Variants in BTBD18 observed in about 807,000 individuals in gnomAD.
BTBD18 encodes the protein BTB domain containing 18.
For missense variants in BTBD18, 787 were observed against 846.3 expected (o/e 0.93, Z 0.87); for synonymous variants, 311 against 324.4 (o/e 0.96, Z 0.44).
rs1249435315 is a variant in BTBD18 at position 57,744,509 on chromosome 11, T to G, written c.1764A>C (p.Gly588=). The G allele has an allele frequency of 6.4e-7, 1 of 1,551,608 alleles. No individual in the cohort carries two copies. Among genetic ancestry groups the G allele is most frequent in the Non-Finnish European group, 8.7e-7 (1 of 1,146,946 alleles). The change falls in exon 3 of 3, where the codon GGA becomes GGC. Residue 588 remains glycine (G), a synonymous_variant. Transcript: ENST00000422652. ...TTTCAAGGTCTGGTGTCCAACGGCC[T>G]CCTACTGAAAGCACTTCACTCACCT... ...PSEVSEVLSV[G]GRWTPDLEIT... is the part of the protein sequence containing the mutation.
In BTBD18 at chr11:57,743,958, A is replaced by G. The variant is rs1053131522; in HGVS notation, c.*176T>C. 1 of 566,328 alleles carries G rather than the reference A, an allele frequency of 1.8e-6. No homozygotes were observed. The highest frequency in any genetic ancestry group is 1.9e-5 in the African/African-American group (1 of 53,512). The allele number at this position is 566,328 out of a possible 1,614,324, so 35.1% of individuals were successfully genotyped here. A position where few individuals can be genotyped will look rare whatever the true frequency, so the allele number is the denominator to read the frequency against. On this transcript the variant is annotated 3_prime_UTR_variant, in exon 3 of 3. Coordinates refer to ENST00000422652, the MANE Select transcript of BTBD18 (RefSeq NM_001145101.3). The stretch of plus-strand genomic sequence containing the variant: ...AAGTTCATAATTTTCTATCTATGGT[A>G]CCCTTGGCTTCTGCCTGGCTTCTGA...
At position 57,744,313 on chromosome 11, in the gene BTBD18, C is replaced by A; in HGVS notation, c.1960G>T (p.Ala654Ser). ...TDELLYPSPK[A>S]GKEVSGHSEL... ...GAGTGACCAGATACCTCCTTGCCTG[C>A]CTTGGGAGAAGGGTATAATAACTCA... is the stretch of plus-strand genomic sequence containing the variant. The change falls in exon 3 of 3, where the codon GCA becomes TCA. Residue 654 changes from alanine (A) to serine (S), a missense_variant. Coordinates refer to ENST00000422652, the MANE Select transcript of BTBD18 (RefSeq NM_001145101.3). 1 of 1,551,628 alleles carries A rather than the reference C, an allele frequency of 6.4e-7. No homozygotes were observed. The highest frequency in any genetic ancestry group is 8.7e-7 in the Non-Finnish European group (1 of 1,146,962).
Position 57,745,748 on chromosome 11 carries a change from A to C in BTBD18, c.525T>G (p.Pro175=). 1 of 1,551,544 alleles carries C rather than the reference A, an allele frequency of 6.4e-7. No homozygotes were observed. The highest frequency in any genetic ancestry group is 8.7e-7 in the Non-Finnish European group (1 of 1,146,938). Residue 175 remains proline, a synonymous_variant, in exon 3 of 3, where the codon CCT becomes CCG. Coordinates refer to ENST00000422652, the MANE Select transcript of BTBD18 (RefSeq NM_001145101.3). Reference sequence around the variant, plus strand: ...AGGACTTCAATCTTATTGCCCCAAGAGGACAAGGAGTTTGATTAGTGGGCA... The same window carrying C: ...AGGACTTCAATCTTATTGCCCCAAGCGGACAAGGAGTTTGATTAGTGGGCA... ...TPLPTNQTPC[P]LGAIRLKSLG...
In BTBD18 at chr11:57,744,244, TCTCTTC is replaced by T. The variant is rs868371204; in HGVS notation, c.2023_2028del (p.Glu675_Glu676del). 1 of 1,551,518 alleles carries T rather than the reference TCTCTTC, an allele frequency of 6.4e-7. No homozygotes were observed. Among genetic ancestry groups the T allele is most frequent in the African/African-American group, 1.4e-5 (1 of 73,018 alleles). On this transcript the variant is annotated inframe_deletion, in exon 3 of 3. Transcript: ENST00000422652. ...TCTGCTGTCCAGTCCACCACATCAA[TCTCTTC>T]CTCTTCAGAGCTGGCAGGAAGTGAG...
upstream of BTBD18, among the ~76,000 whole-genome samples, chr11:57,753,026 G>A (rs1248311584): frequency 1.3e-5 from 2 of 152,256 alleles, no homozygotes; most frequent in African/African-American, 4.8e-5. Context: ...AGCCCCTGGC[G>A]CCCTTGTATC....
chr11:57,751,981 A>T (rs1393513826), upstream of BTBD18, among the ~76,000 whole-genome samples: 1 of 152,200 alleles, frequency 6.6e-6, no homozygotes, highest in Non-Finnish European at 1.5e-5. Context: ...GGTAGTAGGC[A>T]AAGAATTTGG....
At chr11:57,746,385 A>C (rs1565243785) in intron 2 of BTBD18, among the ~76,000 whole-genome samples, 3 of 145,780 alleles carry the variant, frequency 2.1e-5, no homozygotes, top group Non-Finnish European at 4.5e-5. Flanking sequence ...GCTGGAGTGC[A>C]GTGGTGCAAT....
intron 2 of BTBD18, among the ~76,000 whole-genome samples, chr11:57,747,650 C>T (rs1427109292): frequency 6.6e-6 from 1 of 152,092 alleles, no homozygotes; most frequent in Non-Finnish European, 1.5e-5. Context: ...AGTTGCCTGC[C>T]ACCGCGCCTG....
chr11:57,748,437 G>A (rs1181452441), intron 2 of BTBD18, among the ~76,000 whole-genome samples: 8 of 152,080 alleles, frequency 5.3e-5, no homozygotes, highest in Middle Eastern at 3.4e-3. Context: ...ATTCAAGGCC[G>A]GGCACAGTGG....
chr11:57,745,665 C>T lies in BTBD18; in HGVS notation c.608G>A (p.Gly203Asp), dbSNP rs1351190154. The T allele has an allele frequency of 6.4e-7, 1 of 1,551,482 alleles. No homozygotes were observed. The highest frequency in any genetic ancestry group is 8.7e-7 in the Non-Finnish European group (1 of 1,146,968). ...GGCCTTCCTCTTGAGCAGAAGAGTG[C>T]CAGACAAATTGTCTGCATTCTGTCG... is the stretch of plus-strand genomic sequence containing the variant. ...NNRQNADNLSGTLLLKRKARA... is the reference protein window; with the variant it reads ...NNRQNADNLSDTLLLKRKARA... Residue 203 changes from glycine (G) to aspartate (D), a missense_variant, in exon 3 of 3, where the codon GGC (glycine) becomes GAC (aspartate). Coordinates refer to ENST00000422652, the MANE Select transcript of BTBD18 (RefSeq NM_001145101.3).
In BTBD18 at chr11:57,743,945, TTCTA is replaced by T. The variant is rs770747825; in HGVS notation, c.*185_*188del. 5 of 536,900 alleles carry T rather than the reference TTCTA, an allele frequency of 9.3e-6. No homozygotes were observed. Among genetic ancestry groups the T allele is most frequent in the Non-Finnish European group, 1.7e-5 (5 of 302,324 alleles). The allele number at this position is 536,900 out of a possible 1,614,324, so 33.3% of individuals were successfully genotyped here. A position where few individuals can be genotyped will look rare whatever the true frequency, so the allele number is the denominator to read the frequency against. On this transcript the variant is annotated 3_prime_UTR_variant, in exon 3 of 3. Coordinates refer to ENST00000422652, the MANE Select transcript of BTBD18 (RefSeq NM_001145101.3). ...AATAAGATGGTACAAGTTCATAATT[TTCTA>T]TCTATGGTACCCTTGGCTTCTGCCT...
chr11:57,749,794 T>C (rs1473578373), intron 2 of BTBD18, among the ~76,000 whole-genome samples: 5 of 149,314 alleles, frequency 3.3e-5, no homozygotes, highest in Non-Finnish European at 7.4e-5. Flanking sequence ...CACTATACTG[T>C]ATGTAATCCA....
rs1949138690 is a variant in BTBD18, at chr11:57,743,810, C to CT, written c.*323dup. ...TCAGCTTTTCCTAAATTACCAGTGACTGGATGCCTTATGACCTGAGAGATC... is the reference window on the plus strand; with the variant it reads ...TCAGCTTTTCCTAAATTACCAGTGACTTGGATGCCTTATGACCTGAGAGATC... On this transcript the variant is annotated 3_prime_UTR_variant, in exon 3 of 3. Coordinates refer to ENST00000422652, the MANE Select transcript of BTBD18 (RefSeq NM_001145101.3). The CT allele has an allele frequency of 4.7e-6, 1 of 212,680 alleles. No individual in the cohort carries two copies. Among genetic ancestry groups the CT allele is most frequent in the African/African-American group, 2.3e-5 (1 of 43,358 alleles). The allele number at this position is 212,680 out of a possible 1,614,324, so 13.2% of individuals were successfully genotyped here.
In BTBD18 at chr11:57,745,016, G is replaced by A. The variant is rs1246585188; in HGVS notation, c.1257C>T (p.Asp419=). 4 of 1,551,632 alleles carry A rather than the reference G, an allele frequency of 2.6e-6. No homozygotes were observed. The Middle Eastern group carries it at 5.0e-4, about 194-fold the overall frequency. Residue 419 remains aspartate, a synonymous_variant, in exon 3 of 3, where the codon GAC becomes GAT. Coordinates refer to ENST00000422652, the MANE Select transcript of BTBD18 (RefSeq NM_001145101.3). The part of the protein sequence containing the change: ...MSPTRTELCQ[D]SPMCTKLQDI... Reference sequence around the variant, plus strand: ...CTTGTAGCTTAGTGCACATGGGGGAGTCCTGACACAGTTCTGTTCTAGTAG... The same window carrying A: ...CTTGTAGCTTAGTGCACATGGGGGAATCCTGACACAGTTCTGTTCTAGTAG...
chr11:57,747,332 C>T (rs1949215262), intron 2 of BTBD18, among the ~76,000 whole-genome samples: 1 of 152,206 alleles, frequency 6.6e-6, no homozygotes, highest in South Asian at 2.1e-4. Flanking sequence ...CTCACAAGCA[C>T]CTTCAATGCA....
chr11:57,746,372 C>T (rs988319971), intron 2 of BTBD18, among the ~76,000 whole-genome samples: 2 of 149,226 alleles, frequency 1.3e-5, no homozygotes, highest in Non-Finnish European at 3.0e-5. Context: ...CTTGGTTGCC[C>T]AGGCTGGAGT....
rs766015029 is a variant in BTBD18, at chr11:57,745,957, G to T, written c.316C>A (p.Gln106Lys). 40 of 1,551,652 alleles carry T rather than the reference G, an allele frequency of 2.6e-5. 1 individual carries two copies. The South Asian group carries it at 4.6e-4, about 18-fold the overall frequency. Residue 106 changes from glutamine (Q) to lysine (K), a missense_variant, in exon 3 of 3, where the codon CAG becomes AAG. Coordinates refer to ENST00000422652, the MANE Select transcript of BTBD18 (RefSeq NM_001145101.3). ...TGACGGGCAGCAGATAGCACATCCT[G>T]GGCTTCTTCTTGAGATACTTCCATT... is the stretch of plus-strand genomic sequence containing the variant. ...SEMEVSQEEA[Q>K]DVLSAARQLR...
rs746289388 is a variant in BTBD18, at chr11:57,744,459, C to T, written c.1814G>A (p.Gly605Asp). The change falls in exon 3 of 3, where the codon GGT (glycine) becomes GAT (aspartate). Residue 605 changes from glycine to aspartate, a missense_variant. By Grantham distance (94) the Gly-to-Asp change is moderately conservative. Coordinates refer to ENST00000422652, the MANE Select transcript of BTBD18 (RefSeq NM_001145101.3). Reference sequence around the variant, plus strand: ...GACATGGAGAAGTTTGTCTTCCTGACCATCCAGTGGCTGGGAGCTGGTAAT... The same window carrying T: ...GACATGGAGAAGTTTGTCTTCCTGATCATCCAGTGGCTGGGAGCTGGTAAT... ...LEITSSQPLD[G>D]QEDKLLHVSS... 5.8e-6 allele frequency: 9 copies of T among 1,551,688 alleles called. No homozygotes were observed. The South Asian group carries it at 1.1e-4, about 18-fold the overall frequency.
intron 2 of BTBD18, among the ~76,000 whole-genome samples, chr11:57,750,155 A>G (rs1205000181): frequency 6.6e-6 from 1 of 152,102 alleles, no homozygotes; most frequent in East Asian, 1.9e-4. Context: ...AGGCAGGTGA[A>G]TCATGAGGTC....
Sources: allele counts gnomAD v4.1 joint callset (sites outside exome capture counted in the v4.1 genomes callset), GRCh38; gene constraint gnomAD v4.1.1; transcripts MANE v1.5; gene names NCBI Gene and HGNC (gene_info 2026-07-23, HGNC 2026-07-21).